CNTN5: variants seen among roughly 807,000 people sequenced by gnomAD.
The protein encoded by CNTN5 is contactin 5.
In CNTN5, 77 loss-of-function variants were observed where a neutral mutation model predicts 129.1. That is an observed-to-expected ratio of 0.60 (90% confidence interval 0.50 to 0.72). CNTN5 has a LOEUF of 0.72. CNTN5 is among the 30% of genes least tolerant of loss of function. The pLI is 0.00. For missense variants in CNTN5, 1,478 were observed against 1,328.8 expected (o/e 1.11, Z -1.75); for synonymous variants, 509 against 465.6 (o/e 1.09, Z -1.20).
chr11:99,862,480 T>C (rs938435121), intron 6 of CNTN5, among the ~76,000 whole-genome samples: 5 of 152,086 alleles, frequency 3.3e-5, no homozygotes, highest in Non-Finnish European at 7.4e-5. Context: ...CCTGTCTCAT[T>C]TCCAAAATGC....
In CNTN5 at chr11:99,572,607, A is replaced by G. The variant is rs902052177; in HGVS notation, c.55+16338A>G. On this transcript the variant is annotated intron_variant, in intron 3 of 24. Coordinates refer to ENST00000524871, the MANE Select transcript of CNTN5 (RefSeq NM_014361.4). ...AATGATCATTATTTAGTAAATGATC[A>G]TTATGTAAAGACAATTTTAGCATCA... Among the ~76,000 whole-genome samples the G allele has an allele frequency of 3.3e-5, 5 of 152,326 alleles. No homozygotes were observed. In the South Asian group the frequency reaches 6.2e-4, roughly 19 times the overall value.
intron 1 of CNTN5, among the ~76,000 whole-genome samples, chr11:99,095,664 G>T (rs544434145): frequency 7.9e-5 from 12 of 151,976 alleles, no homozygotes; most frequent in Admixed American, 7.2e-4. Flanking sequence ...CCTGTGTATA[G>T]TGGTAGAAGC....
intron 13 of CNTN5, among the ~76,000 whole-genome samples, chr11:100,173,918 G>A (rs147973268): frequency 1.3e-5 from 2 of 152,238 alleles, no homozygotes; most frequent in Non-Finnish European, 2.9e-5. Context: ...AGCAGGAGGA[G>A]AACAAATGTG....
chr11:99,409,470 C>G (rs1942288857), intron 2 of CNTN5, among the ~76,000 whole-genome samples: 1 of 151,648 alleles, frequency 6.6e-6, no homozygotes, highest in African/African-American at 2.4e-5. Flanking sequence ...GATTCCGTCT[C>G]AAAAATAAAA....
chr11:99,180,090 GAC>G (rs201700310), intron 1 of CNTN5, among the ~76,000 whole-genome samples: 2 of 152,036 alleles, frequency 1.3e-5, no homozygotes, highest in African/African-American at 2.4e-5. Flanking sequence ...GAGAAGAAAA[GAC>G]ACACACACAC....
In CNTN5 at chr11:99,448,613, A is replaced by G. The variant is rs1222229782; in HGVS notation, c.-70-107532A>G. Among the ~76,000 whole-genome samples the G allele has an allele frequency of 2.6e-5, 4 of 152,054 alleles. No individual in the cohort carries two copies. In the East Asian group the frequency reaches 7.7e-4, roughly 29 times the overall value. ...CCTACCCTAGGAACCTGCATTTTTC[A>G]GTTTCATGAAATTCTGCACCTGAAA... On this transcript the variant is annotated intron_variant, in intron 2 of 24. Coordinates refer to ENST00000524871, the MANE Select transcript of CNTN5 (RefSeq NM_014361.4).
chr11:100,107,307 T>A (rs1051948221), intron 13 of CNTN5, among the ~76,000 whole-genome samples: 2 of 152,190 alleles, frequency 1.3e-5, no homozygotes, highest in East Asian at 1.9e-4. Flanking sequence ...GACAACCGGT[T>A]GATAAATTCT....
chr11:99,158,271 C>T (rs1172560650), intron 1 of CNTN5, among the ~76,000 whole-genome samples: 1 of 152,070 alleles, frequency 6.6e-6, no homozygotes, highest in East Asian at 1.9e-4. Flanking sequence ...CCAAAATGAT[C>T]TTTCTGTATG....
At chr11:100,309,957 G>A (rs1438480948) in intron 21 of CNTN5, among the ~76,000 whole-genome samples, 1 of 151,910 alleles carries the variant, frequency 6.6e-6, no homozygotes, top group Non-Finnish European at 1.5e-5. Context: ...CTTACCTCAA[G>A]GAGGAAAGAA....
At position 99,764,000 on chromosome 11, in the gene CNTN5, A is replaced by G. The variant is rs906887382; in HGVS notation, c.56-55544A>G. ...TGGATTTCAAATAACCATGATATTT[A>G]TATTATTTTTTTTCCAAAAGAATGA... is the stretch of plus-strand genomic sequence containing the variant. On this transcript the variant is annotated intron_variant, in intron 3 of 24. Transcript: ENST00000524871. 2.3e-4 allele frequency among the ~76,000 whole-genome samples: 35 copies of G among 152,098 alleles called. 1 individual carries two copies.
At chr11:99,505,213 C>A (rs1343623061) in intron 2 of CNTN5, among the ~76,000 whole-genome samples, 1 of 151,976 alleles carries the variant, frequency 6.6e-6, no homozygotes, top group Non-Finnish European at 1.5e-5. Flanking sequence ...GAATGGGTGA[C>A]CATTTATTGC....
At chr11:99,435,088 A>G (rs1359381190) in intron 2 of CNTN5, among the ~76,000 whole-genome samples, 7 of 152,298 alleles carry the variant, frequency 4.6e-5, no homozygotes, top group South Asian at 2.1e-4. Flanking sequence ...GTCTTTTAGT[A>G]TCAATGCCAT....
At chr11:99,494,230 G>A (rs913926506) in intron 2 of CNTN5, among the ~76,000 whole-genome samples, 3 of 152,142 alleles carry the variant, frequency 2.0e-5, no homozygotes, top group Non-Finnish European at 4.4e-5. Context: ...AGCCCAGATG[G>A]AATGCCTCTT....
intron 13 of CNTN5, among the ~76,000 whole-genome samples, chr11:100,164,682 G>T (rs997203984): frequency 6.6e-6 from 1 of 151,728 alleles, no homozygotes; most frequent in Non-Finnish European, 1.5e-5. Context: ...TGATAAAACT[G>T]CTTTAAAAAT....
chr11:100,323,878 A>G (rs1951742653), intron 21 of CNTN5, among the ~76,000 whole-genome samples: 1 of 152,006 alleles, frequency 6.6e-6, no homozygotes, highest in South Asian at 2.1e-4. Context: ...TCCAGTATAT[A>G]TATTAAGGCT....
chr11:100,162,040 G>A (rs1477905960), intron 13 of CNTN5, among the ~76,000 whole-genome samples: 1 of 151,644 alleles, frequency 6.6e-6, no homozygotes, highest in African/African-American at 2.4e-5. Flanking sequence ...GCAGGAGACA[G>A]CCATTCATTC....
chr11:99,805,208 T>C (rs1946231155), intron 3 of CNTN5, among the ~76,000 whole-genome samples: 1 of 151,966 alleles, frequency 6.6e-6, no homozygotes. Flanking sequence ...ACTGGAAGGA[T>C]CTGGGCAAAA....
chr11:99,969,620 G>T (rs536379650), intron 8 of CNTN5, among the ~76,000 whole-genome samples: 33 of 152,076 alleles, frequency 2.2e-4, no homozygotes, highest in Non-Finnish European at 3.7e-4. Flanking sequence ...TGTCAGCATT[G>T]TCTCAGCCTT....
At chr11:100,052,540 CATTT>C (rs1408315166) in intron 9 of CNTN5, among the ~76,000 whole-genome samples, 1 of 151,670 alleles carries the variant, frequency 6.6e-6, no homozygotes, top group African/African-American at 2.4e-5. Flanking sequence ...ATTTGCATAA[CATTT>C]ATGAGAGAAA....
Sources: gnomAD v4.1 joint callset for allele counts (sites outside exome capture counted in the v4.1 genomes callset) on GRCh38, gnomAD v4.1.1 for gene constraint, MANE v1.5 for transcripts, NCBI Gene and HGNC (gene_info 2026-07-23, HGNC 2026-07-21) for gene names.